NRG3: variants seen among roughly 807,000 people sequenced by gnomAD.
The protein encoded by NRG3 is pro-neuregulin-3, membrane-bound isoform.
A neutral mutation model predicts 66.9 loss-of-function variants in NRG3; 31 were observed. The ratio of observed to expected loss-of-function variants is 0.46; its 90% CI spans 0.35 to 0.63. The LOEUF (loss-of-function observed/expected upper bound fraction) is 0.63. NRG3 is among the 20% of genes least tolerant of loss of function. The pLI, the probability that NRG3 is intolerant of heterozygous loss-of-function variation, is 0.00. For synonymous variants in NRG3, 393 were observed against 359.4 expected, an observed-to-expected ratio of 1.09 and a Z score of -1.06; for missense variants, 910 against 878.9, an observed-to-expected ratio of 1.04 and a Z score of -0.45.
rs114740186 is a variant in NRG3, at chr10:81,927,488, G to T, written c.823+51325G>T. 5.7e-3 allele frequency among the ~76,000 whole-genome samples: 866 copies of T among 152,178 alleles called. 3 individuals carry two copies. Among genetic ancestry groups the T allele is most frequent in the African/African-American group, 0.012 (493 of 41,524 alleles). On this transcript the variant is annotated intron_variant, in intron 1 of 8. Coordinates refer to ENST00000372141, the MANE Select transcript of NRG3 (RefSeq NM_001010848.4). Reference sequence around the variant, plus strand: ...GCTAAAAATGAACTATATTTGGGTTGCTATTAATTAATGAGAAATAGAACA... The same window carrying T: ...GCTAAAAATGAACTATATTTGGGTTTCTATTAATTAATGAGAAATAGAACA...
chr10:82,725,019 T>C (rs1422845062), intron 2 of NRG3, among the ~76,000 whole-genome samples: 1 of 152,200 alleles, frequency 6.6e-6, no homozygotes, highest in African/African-American at 2.4e-5. Flanking sequence ...AAAAAGGACA[T>C]TACCACCCTC....
chr10:82,701,835 T>G (rs2134296590), intron 2 of NRG3, among the ~76,000 whole-genome samples: 1 of 152,060 alleles, frequency 6.6e-6, no homozygotes, highest in African/African-American at 2.4e-5. Flanking sequence ...AAGATCTACA[T>G]TAGCTTTCGG....
At chr10:82,751,883 AG>A (rs945027316) in intron 3 of NRG3, among the ~76,000 whole-genome samples, 5 of 151,798 alleles carry the variant, frequency 3.3e-5, no homozygotes, top group African/African-American at 1.2e-4. Flanking sequence ...TGTTTTTCTT[AG>A]CTTTTGTTTG....
chr10:82,067,616 G>A (rs373373285), intron 1 of NRG3, among the ~76,000 whole-genome samples: 1 of 152,304 alleles, frequency 6.6e-6, no homozygotes, highest in Non-Finnish European at 1.5e-5. Flanking sequence ...CCAAAGTGTT[G>A]GGATTATAGG....
chr10:81,981,971 C>T (rs2060347891), intron 1 of NRG3, among the ~76,000 whole-genome samples: 1 of 152,046 alleles, frequency 6.6e-6, no homozygotes, highest in Non-Finnish European at 1.5e-5. Context: ...AGTAATTGTC[C>T]AGCTACATTC....
intron 1 of NRG3, among the ~76,000 whole-genome samples, chr10:82,099,169 T>C (rs192472800): frequency 6.6e-6 from 1 of 152,330 alleles, no homozygotes; most frequent in East Asian, 1.9e-4. Flanking sequence ...AAACTTTGCC[T>C]AACTTACTGT....
rs536517364 is a variant in NRG3 at position 81,941,368 on chromosome 10, T to C, written c.823+65205T>C. On this transcript the variant is annotated intron_variant, in intron 1 of 8. Coordinates refer to ENST00000372141, the MANE Select transcript of NRG3 (RefSeq NM_001010848.4). ...AAATTTCAGTAAGATAATTTTGTCA[T>C]TGGGTACCTCACTTGAAATGTGCAT... Among the ~76,000 whole-genome samples, 7 of 152,240 alleles carry C rather than the reference T, an allele frequency of 4.6e-5. No homozygotes were observed. In the South Asian group the frequency reaches 1.5e-3, roughly 32 times the overall value.
chr10:81,940,743 C>T (rs111963169), intron 1 of NRG3, among the ~76,000 whole-genome samples: 3,729 of 152,028 alleles, frequency 0.025, 69 homozygotes, highest in African/African-American at 0.054. Flanking sequence ...TTCCAGGTAT[C>T]GTGCACCTCT....
chr10:81,946,901 A>C lies in NRG3; in HGVS notation c.823+70738A>C, dbSNP rs550896972. 3.9e-5 allele frequency among the ~76,000 whole-genome samples: 6 copies of C among 152,286 alleles called. No homozygotes were observed. In the South Asian group the frequency reaches 1.0e-3, roughly 26 times the overall value. ...GGGCCTGGTCTTGCTTAGTATCGCC[A>C]TCTTCCAAAACCTAATCTGTAACTG... On this transcript the variant is annotated intron_variant, in intron 1 of 8. Transcript: ENST00000372141.
chr10:82,475,223 A>G (rs1422736082), intron 2 of NRG3, among the ~76,000 whole-genome samples: 1 of 152,142 alleles, frequency 6.6e-6, no homozygotes, highest in African/African-American at 2.4e-5. Context: ...TAGATTAACT[A>G]TGATTGAGAG....
chr10:82,933,410 T>G (rs1564642681), intron 4 of NRG3, among the ~76,000 whole-genome samples: 1 of 152,178 alleles, frequency 6.6e-6, no homozygotes, highest in Non-Finnish European at 1.5e-5. Flanking sequence ...TCTGAGGCCT[T>G]CTTTGTCACT....
chr10:82,008,356 A>G (rs1349893299), intron 1 of NRG3, among the ~76,000 whole-genome samples: 2 of 152,240 alleles, frequency 1.3e-5, no homozygotes, highest in Non-Finnish European at 2.9e-5. Flanking sequence ...CTCCAGTGAC[A>G]AGAGTAGATG....
intron 1 of NRG3, among the ~76,000 whole-genome samples, chr10:82,302,596 A>G (rs980648662): frequency 1.3e-5 from 2 of 152,150 alleles, no homozygotes; most frequent in South Asian, 2.1e-4. Context: ...TGAAAGGGCA[A>G]TACAATTTCA....
chr10:82,960,822 C>T (rs532691576), intron 6 of NRG3, among the ~76,000 whole-genome samples: 1 of 152,146 alleles, frequency 6.6e-6, no homozygotes, highest in African/African-American at 2.4e-5. Flanking sequence ...CCCTGCCCAC[C>T]AGAGAACAAC....
intron 2 of NRG3, among the ~76,000 whole-genome samples, chr10:82,475,621 T>G (rs1021673031): frequency 3.9e-5 from 6 of 152,142 alleles, no homozygotes; most frequent in African/African-American, 1.2e-4. Context: ...AAAATTATAT[T>G]GGAAAAATTG....
intron 2 of NRG3, among the ~76,000 whole-genome samples, chr10:82,694,252 A>T (rs575662207): frequency 6.6e-6 from 1 of 152,020 alleles, no homozygotes; most frequent in Non-Finnish European, 1.5e-5. Context: ...TTACAGAGTG[A>T]TGATGGGTGC....
chr10:82,649,496 A>G (rs1421222165), intron 2 of NRG3, among the ~76,000 whole-genome samples: 2 of 106,184 alleles, frequency 1.9e-5, no homozygotes, highest in South Asian at 3.3e-4. Flanking sequence ...TCTGAGACAG[A>G]GTCTTGCTCT....
chr10:82,910,882 T>G (rs1047520362), intron 4 of NRG3, among the ~76,000 whole-genome samples: 2 of 152,230 alleles, frequency 1.3e-5, no homozygotes, highest in African/African-American at 4.8e-5. Flanking sequence ...TTGCCAACAC[T>G]TGGAACATAG....
At chr10:82,472,039 T>C (rs997104863) in intron 2 of NRG3, among the ~76,000 whole-genome samples, 6 of 151,990 alleles carry the variant, frequency 3.9e-5, no homozygotes, top group Non-Finnish European at 8.8e-5. Context: ...ATGGTGGAGA[T>C]AAATCATACT....
Sources: allele counts gnomAD v4.1 joint callset (sites outside exome capture counted in the v4.1 genomes callset), GRCh38; gene constraint gnomAD v4.1.1; transcripts MANE v1.5; gene names NCBI Gene and HGNC (gene_info 2026-07-23, HGNC 2026-07-21).